The following LINGO2 variants were observed in gnomAD, a reference collection of about 807,000 sequenced individuals.
LINGO2 encodes leucine rich repeat and Ig domain containing 2.
LINGO2 carries 14 observed loss-of-function variants against 30.6 expected under a neutral mutation model. The observed-to-expected ratio is 0.46, with a 90% confidence interval of 0.30 to 0.72. The LOEUF (loss-of-function observed/expected upper bound fraction) is 0.72. Ranked by LOEUF, LINGO2 falls within the 30% of genes least tolerant of loss-of-function variation. The pLI, the probability that LINGO2 is intolerant of heterozygous loss-of-function variation, is 0.07. For synonymous variants in LINGO2, 317 were observed against 288.5 expected (o/e 1.10, Z -1.00); for missense variants, 729 against 751.7 (o/e 0.97, Z 0.35).
intron 4 of LINGO2, among the ~76,000 whole-genome samples, chr9:28,184,594 AAAAG>A (rs1819476640): frequency 6.6e-6 from 1 of 151,746 alleles, no homozygotes; most frequent in Non-Finnish European, 1.5e-5. Flanking sequence ...GGGGAGAGAA[AAAAG>A]AGAGAGAGAT....
At chr9:28,024,009 G>T (rs1289451795) in intron 4 of LINGO2, among the ~76,000 whole-genome samples, 2 of 152,120 alleles carry the variant, frequency 1.3e-5, no homozygotes, top group African/African-American at 4.8e-5. Context: ...TAGATTCTGG[G>T]ATAGCAGTTT....
intron 4 of LINGO2, among the ~76,000 whole-genome samples, chr9:28,044,806 A>C (rs999691781): frequency 6.6e-6 from 1 of 152,118 alleles, no homozygotes; most frequent in East Asian, 1.9e-4. Flanking sequence ...TGTTATAAGG[A>C]ATCAGAGACT....
intron 3 of LINGO2, among the ~76,000 whole-genome samples, chr9:28,343,963 G>T (rs1333789751): frequency 1.3e-5 from 2 of 152,096 alleles, no homozygotes; most frequent in East Asian, 3.9e-4. Context: ...TCTTAAGGCA[G>T]CCAAAGCTGA....
the LINGO2 span, among the ~76,000 whole-genome samples, chr9:28,827,095 A>G: frequency 3.9e-3 from 599 of 152,302 alleles, 5 homozygotes; most frequent in African/African-American, 0.013. Flanking sequence ...CAACTCATTA[A>G]AACAGTAAGA....
the LINGO2 span, among the ~76,000 whole-genome samples, chr9:28,859,269 G>A: frequency 1.4e-4 from 22 of 152,112 alleles, no homozygotes; most frequent in African/African-American, 5.3e-4. Context: ...GGCTGTAAAA[G>A]TACAGGATCT....
At chr9:28,154,990 A>G (rs1015101785) in intron 4 of LINGO2, among the ~76,000 whole-genome samples, 1 of 152,228 alleles carries the variant, frequency 6.6e-6, no homozygotes, top group Admixed American at 6.5e-5. Flanking sequence ...GTTGAATTTT[A>G]ATTTTCACTT....
the LINGO2 span, chr9:27,937,932 A>G: frequency 6.6e-6 from 1 of 152,206 alleles, no homozygotes; most frequent in South Asian, 2.1e-4. Flanking sequence ...CTTCCAATAA[A>G]GGAGAAAAGG....
chr9:29,157,609 A>G, the LINGO2 span, among the ~76,000 whole-genome samples: 3 of 152,144 alleles, frequency 2.0e-5, no homozygotes, highest in Admixed American at 6.5e-5. Flanking sequence ...AAAAAACTCT[A>G]TTTTACTTTC....
chr9:29,164,301 T>C, the LINGO2 span, among the ~76,000 whole-genome samples: 2 of 152,154 alleles, frequency 1.3e-5, no homozygotes, highest in East Asian at 3.9e-4. Flanking sequence ...CACAAGTAAT[T>C]GTTCTTCTAA....
chr9:28,489,878 C>T (rs1587743944), intron 1 of LINGO2, among the ~76,000 whole-genome samples: 1 of 101,168 alleles, frequency 9.9e-6, no homozygotes, highest in Non-Finnish European at 1.8e-5. Flanking sequence ...AGCCTGGAAA[C>T]AGAGCAAGAC....
At chr9:28,767,785 CAAAAAAAAA>C in the LINGO2 span, among the ~76,000 whole-genome samples, 2,297 of 97,074 alleles carry the variant, frequency 0.024, 61 homozygotes, top group African/African-American at 0.08. Flanking sequence ...GACTCCATTT[CAAAAAAAAA>C]AAAAAAAAAA....
At chr9:28,769,508 A>T in the LINGO2 span, among the ~76,000 whole-genome samples, 6 of 2,826 alleles carry the variant, frequency 2.1e-3, no homozygotes, top group African/African-American at 4.2e-3. Context: ...ATATATATAT[A>T]TATATATATA....
chr9:28,938,132 G>A, the LINGO2 span, among the ~76,000 whole-genome samples: 1 of 152,178 alleles, frequency 6.6e-6, no homozygotes, highest in African/African-American at 2.4e-5. Flanking sequence ...AATTTCAGAA[G>A]TCTGAAAGCC....
At chr9:28,679,767 G>T in the LINGO2 span, among the ~76,000 whole-genome samples, 1 of 151,882 alleles carries the variant, frequency 6.6e-6, no homozygotes, top group African/African-American at 2.4e-5. Flanking sequence ...GCTTTTTCAA[G>T]AATATTAATT....
intron 5 of LINGO2, among the ~76,000 whole-genome samples, chr9:27,953,531 G>T (rs2118404101): frequency 6.6e-6 from 1 of 152,072 alleles, no homozygotes; most frequent in South Asian, 2.1e-4. Context: ...GTTGTGGGAG[G>T]TAACTGAATA....
chr9:28,170,110 C>T (rs1828540165), intron 4 of LINGO2, among the ~76,000 whole-genome samples: 1 of 152,152 alleles, frequency 6.6e-6, no homozygotes, highest in African/African-American at 2.4e-5. Context: ...TCACTTGGAA[C>T]AGTGCCAGGA....
chr9:28,158,923 T>C (rs1185061624), intron 4 of LINGO2, among the ~76,000 whole-genome samples: 1 of 152,250 alleles, frequency 6.6e-6, no homozygotes, highest in Non-Finnish European at 1.5e-5. Context: ...AAAACATGGC[T>C]TTATTTATTT....
At chr9:28,805,177 C>T in the LINGO2 span, among the ~76,000 whole-genome samples, 2 of 152,134 alleles carry the variant, frequency 1.3e-5, no homozygotes, top group African/African-American at 4.8e-5. Context: ...TTTGCCATTA[C>T]AATATTTTTC....
chr9:28,931,560 A>G, the LINGO2 span, among the ~76,000 whole-genome samples: 21 of 152,288 alleles, frequency 1.4e-4, no homozygotes, highest in African/African-American at 5.1e-4. Context: ...TTTGTCCTTA[A>G]CTACAACATG....
Sources: allele counts gnomAD v4.1 joint callset (sites outside exome capture counted in the v4.1 genomes callset), GRCh38; gene constraint gnomAD v4.1.1; transcripts MANE v1.5; gene names NCBI Gene and HGNC (gene_info 2026-07-23, HGNC 2026-07-21).